The following SCN3B variants were observed in gnomAD, a reference collection of about 807,000 sequenced individuals.
The protein encoded by SCN3B is sodium channel regulatory subunit beta-3.
In SCN3B, 11 loss-of-function variants were observed where a neutral mutation model predicts 25.4. The observed-to-expected ratio is 0.43, with a 90% CI of 0.27 to 0.72. The LOEUF is 0.72. Ranked by LOEUF, SCN3B falls within the 30% of genes least tolerant of loss-of-function variation. The pLI, the probability that SCN3B is intolerant of heterozygous loss-of-function variation, is 0.18. For synonymous variants in SCN3B, 109 were observed against 110.7 expected (o/e 0.99, Z 0.09); for missense variants, 218 against 278.3 (o/e 0.78, Z 1.54).
At chr11:123,652,729 C>G (rs1418289223) in intron 2 of SCN3B, among the ~76,000 whole-genome samples, 2 of 152,192 alleles carry the variant, frequency 1.3e-5, no homozygotes, top group African/African-American at 4.8e-5. Flanking sequence ...AGGATCTAAT[C>G]ATAGACACCA....
At chr11:123,638,680 T>A (rs1474429257) in intron 4 of SCN3B, 1 of 356,770 alleles carries the variant, frequency 2.8e-6, no homozygotes, top group African/African-American at 2.1e-5. Context: ...AGGTTGAGGA[T>A]AATAACACCA....
chr11:123,638,582 G>A, intron 4 of SCN3B: 1 of 506,808 alleles, frequency 2.0e-6, no homozygotes, highest in Non-Finnish European at 3.6e-6. Context: ...GCCTCAAAGT[G>A]AGATATCTAG....
chr11:123,647,444 C>T (rs910825591), intron 2 of SCN3B, among the ~76,000 whole-genome samples: 1 of 152,210 alleles, frequency 6.6e-6, no homozygotes, highest in Non-Finnish European at 1.5e-5. Context: ...CACCACTGCA[C>T]TCCAGACTGG....
At chr11:123,639,812 A>G (rs1955767050) in intron 4 of SCN3B, 1 of 152,224 alleles carries the variant, frequency 6.6e-6, no homozygotes, top group Non-Finnish European at 1.5e-5. Flanking sequence ...GAATATTTAA[A>G]GTGCTCAATA....
At chr11:123,638,491 G>T in intron 4 of SCN3B, 167 bp from the exon 5 acceptor site, 1 of 896,992 alleles carries the variant, frequency 1.1e-6, no homozygotes, top group Non-Finnish European at 1.7e-6. Context: ...CTTTCTCACT[G>T]ACTGTCATCA....
In SCN3B at chr11:123,642,340, T is replaced by C; in HGVS notation, c.445+106A>G. The stretch of plus-strand genomic sequence containing the variant: ...TTTAGATGTCACCATTCCAAATACA[T>C]GGGTTTTTGCACTCTTTAAGGGCCT... On this transcript the variant is annotated intron_variant, in intron 4 of 6. Transcript: ENST00000299333. This position sits in a 1 kb window ranked among gnomAD's most constrained non-coding sequence, Gnocchi z 4.3. 1 of 1,051,824 alleles carries C rather than the reference T, an allele frequency of 9.5e-7. No homozygotes were observed. Among genetic ancestry groups the C allele is most frequent in the Non-Finnish European group, 1.5e-6 (1 of 679,486 alleles). The allele number at this position is 1,051,824 out of a possible 1,614,324, so 65.2% of individuals were successfully genotyped here.
intron 1 of SCN3B, 24 bp from the exon 2 acceptor site, chr11:123,653,850 C>A: frequency 6.3e-7 from 1 of 1,597,886 alleles, no homozygotes; most frequent in South Asian, 1.1e-5. Flanking sequence ...TTCCCTCGGT[C>A]AAGGACTGCG....
intron 2 of SCN3B, among the ~76,000 whole-genome samples, chr11:123,649,217 A>G (rs2137251457): frequency 6.6e-6 from 1 of 152,356 alleles, no homozygotes; most frequent in African/African-American, 2.4e-5. Context: ...GATGTGCTCT[A>G]GTGAACAAGT....
At chr11:123,646,756 G>C (rs1472041018) in intron 2 of SCN3B, among the ~76,000 whole-genome samples, 1 of 152,188 alleles carries the variant, frequency 6.6e-6, no homozygotes, top group Non-Finnish European at 1.5e-5. Flanking sequence ...AGCAAAACAT[G>C]CGCAAATGTG....
chr11:123,650,903 A>T (rs1295988587), intron 2 of SCN3B, among the ~76,000 whole-genome samples: 1 of 152,164 alleles, frequency 6.6e-6, no homozygotes. Context: ...TGTGATGCAC[A>T]GGCAAATATA....
rs1421222834 is a variant in SCN3B at position 123,645,716 on chromosome 11, G to A, written c.90C>T (p.Pro30=). 6.2e-7 allele frequency: 1 copy of A among 1,614,014 alleles called. No homozygotes were observed. Among genetic ancestry groups the A allele is most frequent in the Non-Finnish European group, 8.5e-7 (1 of 1,180,054 alleles). The part of the protein sequence containing the change: ...SVCFPVCVEV[P]SETEAVQGNP... ...TGCCCTGCACGGCCTCCGTCTCCGAGGGCACTTCCACACACACAGGGAAGC... is the reference window on the plus strand; with the variant it reads ...TGCCCTGCACGGCCTCCGTCTCCGAAGGCACTTCCACACACACAGGGAAGC... The change falls in exon 3 of 7, where the codon CCC becomes CCT. Residue 30 remains proline (P), a synonymous_variant. Transcript: ENST00000299333.
chr11:123,629,946 C>T lies in SCN3B; in HGVS notation c.*3853G>A, dbSNP rs1037436510. 2 of 152,112 alleles carry T rather than the reference C, an allele frequency of 1.3e-5. No homozygotes were observed. The highest frequency in any genetic ancestry group is 2.1e-4 in the South Asian group (1 of 4,822). 9.4% of individuals were successfully genotyped at this position (152,112 alleles called of 1,614,324 possible). A position where few individuals can be genotyped will look rare whatever the true frequency, so the allele number is the denominator to read the frequency against. Reference sequence around the variant, plus strand: ...TTCCTGCAAAGATGCAGTGACACAGCCTTTTCCCTCAGATTTATGTGAGGA... The same window carrying T: ...TTCCTGCAAAGATGCAGTGACACAGTCTTTTCCCTCAGATTTATGTGAGGA... On this transcript the variant is annotated 3_prime_UTR_variant, in exon 7 of 7. Transcript: ENST00000299333.
rs929784652 is a variant in SCN3B at position 123,629,287 on chromosome 11, TC to T, written c.*4511del. 6.6e-6 allele frequency: 1 copy of T among 152,198 alleles called. No homozygotes were observed. Among genetic ancestry groups the T allele is most frequent in the African/African-American group, 2.4e-5 (1 of 41,454 alleles). The allele number at this position is 152,198 out of a possible 1,614,324, so 9.4% of individuals were successfully genotyped here. A position where few individuals can be genotyped will look rare whatever the true frequency, so the allele number is the denominator to read the frequency against. On this transcript the variant is annotated 3_prime_UTR_variant, in exon 7 of 7. Coordinates refer to ENST00000299333, the MANE Select transcript of SCN3B (RefSeq NM_001040151.2). ...GAGGGCTTAGGTGGTCAGGAACATTTCCAGAGTTTGGATTGTGTTCGATGGC... is the reference window on the plus strand; with the variant it reads ...GAGGGCTTAGGTGGTCAGGAACATTTCAGAGTTTGGATTGTGTTCGATGGC...
chr11:123,653,683 G>T, intron 2 of SCN3B, 64 bp downstream of exon 2: 1 of 1,562,320 alleles, frequency 6.4e-7, no homozygotes, highest in Non-Finnish European at 8.8e-7. Flanking sequence ...CGACATCAAT[G>T]TGTTATTATT....
intron 2 of SCN3B, among the ~76,000 whole-genome samples, chr11:123,650,137 G>A (rs1009565386): frequency 1.3e-5 from 2 of 152,080 alleles, no homozygotes; most frequent in Non-Finnish European, 1.5e-5. Context: ...TTTGACCTTT[G>A]TTCTTCTCTT....
intron 5 of SCN3B, among the ~76,000 whole-genome samples, chr11:123,637,590 A>G (rs548558998): frequency 7.6e-4 from 116 of 152,204 alleles, no homozygotes; most frequent in Non-Finnish European, 1.3e-3. Flanking sequence ...GAGCAGTGGC[A>G]CGATCTCAGC....
intron 4 of SCN3B, among the ~76,000 whole-genome samples, chr11:123,641,361 G>A (rs73031610): frequency 0.085 from 12,974 of 152,184 alleles, 608 homozygotes; most frequent in Middle Eastern, 0.15. Context: ...TAGTCATATC[G>A]TCTGATCCGT....
At chr11:123,636,157 G>A (rs1322378742) in intron 5 of SCN3B, among the ~76,000 whole-genome samples, 1 of 151,988 alleles carries the variant, frequency 6.6e-6, no homozygotes, top group African/African-American at 2.4e-5. Flanking sequence ...CCCGGAACTG[G>A]GGAGTACTTC....
intron 3 of SCN3B, among the ~76,000 whole-genome samples, chr11:123,644,800 A>AATATATATAT (rs56135097): frequency 1.1e-4 from 5 of 45,574 alleles, no homozygotes; most frequent in East Asian, 6.9e-4. Context: ...AGAGAGAGAG[A>AATATATATAT]ATATATATAT....
Sources: gnomAD v4.1 joint callset for allele counts (sites outside exome capture counted in the v4.1 genomes callset) on GRCh38, gnomAD v4.1.1 for gene constraint, Gnocchi (gnomAD v3.1) non-coding constraint, MANE v1.5 for transcripts, NCBI Gene and HGNC (gene_info 2026-07-23, HGNC 2026-07-21) for gene names.